Variants in DSCAML1 observed in about 807,000 individuals in gnomAD.
The protein encoded by DSCAML1 is cell adhesion molecule DSCAML1.
A neutral mutation model predicts 200.5 loss-of-function variants in DSCAML1; 38 were observed. The ratio of observed to expected loss-of-function variants is 0.19; its 90% CI spans 0.15 to 0.25. The LOEUF is 0.25. Ranked by LOEUF, DSCAML1 falls within the 10% of genes least tolerant of loss-of-function variation. DSCAML1 has a pLI of 1.00. For synonymous variants in DSCAML1, 1,215 were observed against 1,165.0 expected (o/e 1.04, Z -0.87); for missense variants, 2,223 against 2,858.8 (o/e 0.78, Z 5.07).
rs184342295 is a variant in DSCAML1, at chr11:117,778,493, T to C, written c.365-1556A>G. On this transcript the variant is annotated intron_variant, in intron 2 of 32. Coordinates refer to ENST00000651296, the MANE Select transcript of DSCAML1 (RefSeq NM_020693.4). ...ATCCTGGACAAGGGTTGGTTAACCT[T>C]CTGGAGCCCCAGTTTCTTCATTTAT... Among the ~76,000 whole-genome samples the C allele has an allele frequency of 2.2e-3, 331 of 152,336 alleles. 3 individuals are homozygous for C. Among genetic ancestry groups the C allele is most frequent in the Admixed American group, 5.0e-3 (77 of 15,302 alleles).
intron 3 of DSCAML1, among the ~76,000 whole-genome samples, chr11:117,671,739 C>T (rs900812980): frequency 6.6e-6 from 1 of 152,214 alleles, no homozygotes; most frequent in Non-Finnish European, 1.5e-5. Flanking sequence ...ATAGAAACCG[C>T]ATGGCCACAG....
At chr11:117,477,456 T>A (rs886347913) in intron 14 of DSCAML1, among the ~76,000 whole-genome samples, 1 of 151,582 alleles carries the variant, frequency 6.6e-6, no homozygotes, top group Admixed American at 6.6e-5. Flanking sequence ...CAACATTCTG[T>A]CTCCTATTTC....
intron 8 of DSCAML1, among the ~76,000 whole-genome samples, chr11:117,510,429 C>T (rs2049596170): frequency 6.6e-6 from 1 of 151,872 alleles, no homozygotes; most frequent in Admixed American, 6.6e-5. Context: ...CAACTAATCA[C>T]TAAAGTCAGA....
intron 31 of DSCAML1, 95 bp from the exon 32 acceptor site, chr11:117,431,128 T>A: frequency 7.7e-7 from 1 of 1,292,618 alleles, no homozygotes; most frequent in Non-Finnish European, 1.1e-6. Flanking sequence ...AGCAGCCATC[T>A]GTAAGTCTGG....
chr11:117,780,587 G>A lies in DSCAML1; in HGVS notation c.270C>T (p.Ser90=), dbSNP rs1424165607. 2.5e-6 allele frequency: 4 copies of A among 1,581,832 alleles called. No homozygotes were observed. The highest frequency in any genetic ancestry group is 1.2e-5 in the South Asian group (1 of 86,654). The part of the protein sequence containing the change: ...GTLQLYPFSP[S]AFNSFIHDND... ...TGTCGTGGATAAAGCTATTGAAGGC[G>A]GAGGGGGAGAAGGGGTAGAGCTGCA... is the stretch of plus-strand genomic sequence containing the variant. Residue 90 remains serine (S), a synonymous_variant, in exon 2 of 33, where the codon TCC becomes TCT. Coordinates refer to ENST00000651296, the MANE Select transcript of DSCAML1 (RefSeq NM_020693.4). The surrounding 1 kb of genome is among the most constrained non-coding windows in gnomAD (Gnocchi z 4.8).
At chr11:117,554,695 C>T (rs74849528) in intron 3 of DSCAML1, among the ~76,000 whole-genome samples, 2,623 of 152,226 alleles carry the variant, frequency 0.017, 74 homozygotes, top group African/African-American at 0.058. Context: ...ACATTTTAAA[C>T]ATTGTCCTGC....
intron 1 of DSCAML1, among the ~76,000 whole-genome samples, chr11:117,811,129 A>G (rs943142307): frequency 1.3e-5 from 2 of 152,130 alleles, no homozygotes; most frequent in African/African-American, 4.8e-5. Context: ...AGGTGGCTGG[A>G]GCTAAAGGCA....
intron 1 of DSCAML1, among the ~76,000 whole-genome samples, chr11:117,783,758 C>A (rs2055303040): frequency 6.6e-6 from 1 of 152,154 alleles, no homozygotes; most frequent in South Asian, 2.1e-4. Flanking sequence ...CTGCAGAAAC[C>A]CCATGGAAGA....
At chr11:117,598,313 A>C (rs1328811059) in intron 3 of DSCAML1, among the ~76,000 whole-genome samples, 1 of 152,246 alleles carries the variant, frequency 6.6e-6, no homozygotes, top group African/African-American at 2.4e-5. Flanking sequence ...TAGAACCTTG[A>C]TGTTTTCCCC....
At position 117,525,702 on chromosome 11, in the gene DSCAML1, C is replaced by T. The variant is rs182020382; in HGVS notation, c.659-619G>A. Among the ~76,000 whole-genome samples, 1,435 of 152,196 alleles carry T rather than the reference C, an allele frequency of 9.4e-3. 27 individuals carry two copies. Among genetic ancestry groups the T allele is most frequent in the African/African-American group, 0.033 (1,361 of 41,516 alleles). ...CTCGAACTCCTGACCTCGGGTGATC[C>T]GCCTGCCTTGGCCTCTGAAAATGCT... On this transcript the variant is annotated intron_variant, in intron 4 of 32. Coordinates refer to ENST00000651296, the MANE Select transcript of DSCAML1 (RefSeq NM_020693.4).
chr11:117,500,750 C>G (rs1303492597), intron 11 of DSCAML1, among the ~76,000 whole-genome samples: 4 of 152,210 alleles, frequency 2.6e-5, no homozygotes, highest in Non-Finnish European at 4.4e-5. Context: ...GGTATAGACA[C>G]TCCCCATTAG....
intron 3 of DSCAML1, among the ~76,000 whole-genome samples, chr11:117,636,548 A>C (rs992613884): frequency 1.1e-4 from 16 of 152,096 alleles, no homozygotes; most frequent in Non-Finnish European, 1.5e-4. Context: ...CCCCACAGAC[A>C]CCACCTGCCT....
chr11:117,518,219 G>T lies in DSCAML1; in HGVS notation c.1510+247C>A, dbSNP rs1282933472. ...GCTGGGCTGGCTGGATTTCTGGACA[G>T]GAGGAAGGAGGAGGGGGAATGGGGA... On this transcript the variant is annotated intron_variant, in intron 7 of 32. Transcript: ENST00000651296. This position sits in a 1 kb window ranked among gnomAD's most constrained non-coding sequence, Gnocchi z 6.3. Among the ~76,000 whole-genome samples the T allele has an allele frequency of 2.0e-5, 3 of 152,170 alleles. No homozygotes were observed. The East Asian group carries it at 5.8e-4, about 29-fold the overall frequency.
Position 117,471,518 on chromosome 11 carries a change from A to G in DSCAML1, c.2953+351T>C, listed in dbSNP as rs1337470339. On this transcript the variant is annotated intron_variant, in intron 15 of 32. Coordinates refer to ENST00000651296, the MANE Select transcript of DSCAML1 (RefSeq NM_020693.4). ...ACATGATAACAAAAGAAAACATAGCAAGATAAACCTTGTTTAAACTTTCAA... is the reference window on the plus strand; with the variant it reads ...ACATGATAACAAAAGAAAACATAGCGAGATAAACCTTGTTTAAACTTTCAA... Among the ~76,000 whole-genome samples, 3 of 152,198 alleles carry G rather than the reference A, an allele frequency of 2.0e-5. No homozygotes were observed. The East Asian group carries it at 5.8e-4, about 29-fold the overall frequency.
chr11:117,698,615 T>C (rs878976483), intron 3 of DSCAML1, among the ~76,000 whole-genome samples: 1 of 152,228 alleles, frequency 6.6e-6, no homozygotes, highest in African/African-American at 2.4e-5. Context: ...GTAGTCATTT[T>C]AATGGGTGTG....
Position 117,480,433 on chromosome 11 carries a change from C to T in DSCAML1, c.2785+10G>A. The T allele has an allele frequency of 1.2e-6, 2 of 1,613,214 alleles. No individual in the cohort carries two copies. The highest frequency in any genetic ancestry group is 1.1e-5 in the South Asian group (1 of 90,792). On this transcript the variant is annotated intron_variant, in intron 14 of 32. Transcript: ENST00000651296. The surrounding 1 kb of genome is among the most constrained non-coding windows in gnomAD (Gnocchi z 4.1). ...AGGCCACGCTGTCACCCTCCTGGCCCAGCGCCTACCTGATTTGTTCTTGTA... is the reference window on the plus strand; with the variant it reads ...AGGCCACGCTGTCACCCTCCTGGCCTAGCGCCTACCTGATTTGTTCTTGTA...
intron 3 of DSCAML1, among the ~76,000 whole-genome samples, chr11:117,679,088 G>A (rs1242415245): frequency 6.6e-6 from 1 of 152,242 alleles, no homozygotes; most frequent in Non-Finnish European, 1.5e-5. Context: ...GGTCGGCCTG[G>A]GCCAGAGCAG....
intron 3 of DSCAML1, among the ~76,000 whole-genome samples, chr11:117,743,167 C>T (rs1035438005): frequency 6.6e-6 from 1 of 152,144 alleles, no homozygotes; most frequent in Non-Finnish European, 1.5e-5. Flanking sequence ...ATAGGGGAGA[C>T]AGAGAAGTCA....
upstream of DSCAML1, chr11:117,801,231 G>A (rs2055654118): frequency 1.3e-5 from 2 of 152,346 alleles, no homozygotes; most frequent in Middle Eastern, 3.4e-3. Flanking sequence ...ATAGCCAGCT[G>A]TGTTACCTGT....
Sources: allele counts gnomAD v4.1 joint callset (sites outside exome capture counted in the v4.1 genomes callset), GRCh38; gene constraint gnomAD v4.1.1; non-coding constraint Gnocchi (gnomAD v3.1); transcripts MANE v1.5; gene names NCBI Gene and HGNC (gene_info 2026-07-23, HGNC 2026-07-21).